NAPB: variants seen among roughly 807,000 people sequenced by gnomAD.
NAPB encodes the protein NSF attachment protein beta.
A neutral mutation model predicts 44.7 loss-of-function variants in NAPB; 26 were observed. The ratio of observed to expected loss-of-function variants is 0.58; its 90% CI spans 0.43 to 0.81. The LOEUF is 0.81. Ranked by LOEUF, NAPB falls within the 30% of genes least tolerant of loss-of-function variation. NAPB has a pLI of 0.00. For synonymous variants in NAPB, 120 were observed against 116.8 expected (o/e 1.03, Z -0.18); for missense variants, 315 against 356.4 (o/e 0.88, Z 0.94).
intron 10 of NAPB, among the ~76,000 whole-genome samples, chr20:23,378,293 C>T (rs1043630752): frequency 3.3e-5 from 5 of 151,648 alleles, no homozygotes; most frequent in East Asian, 3.9e-4. Context: ...CACAGCACTC[C>T]AGCCTGAGTG....
intron 1 of NAPB, among the ~76,000 whole-genome samples, chr20:23,415,046 T>C (rs1985909713): frequency 6.6e-6 from 1 of 152,124 alleles, no homozygotes; most frequent in South Asian, 2.1e-4. Flanking sequence ...TAATAGAGAT[T>C]GAGACATAAC....
intron 5 of NAPB, among the ~76,000 whole-genome samples, chr20:23,393,676 G>A (rs568173407): frequency 9.8e-5 from 15 of 152,294 alleles, no homozygotes; most frequent in African/African-American, 3.6e-4. Flanking sequence ...ATTGTAAGGA[G>A]ACATCTGCTC....
In NAPB at chr20:23,395,172, G is replaced by A. The variant is rs142138028; in HGVS notation, c.309C>T (p.Cys103=). 5.6e-6 allele frequency: 9 copies of A among 1,614,024 alleles called. No individual in the cohort carries two copies. In the African/African-American group the frequency reaches 1.2e-4, roughly 22 times the overall value. The change falls in exon 4 of 11, where the codon TGC becomes TGT. Residue 103 remains cysteine, a synonymous_variant. Coordinates refer to ENST00000377026, the MANE Select transcript of NAPB (RefSeq NM_022080.3). ...TGTAAATGTCGATGGCTGCATTTAA[G>A]CAGTTGATAGCCTCTGAAGCGTAGG... The part of the protein sequence containing the change: ...KKADPQEAIN[C]LNAAIDIYTD...
intron 1 of NAPB, among the ~76,000 whole-genome samples, chr20:23,418,720 G>A (rs941623824): frequency 5.9e-5 from 9 of 151,290 alleles, no homozygotes; most frequent in African/African-American, 1.7e-4. Flanking sequence ...GGTGGATCAC[G>A]AGGTCAGGCA....
chr20:23,391,974 T>A (rs1280254385), intron 5 of NAPB, among the ~76,000 whole-genome samples: 2 of 152,170 alleles, frequency 1.3e-5, no homozygotes, highest in East Asian at 3.9e-4. Flanking sequence ...CAGCTCCTAG[T>A]GAGTTAGAAG....
At chr20:23,406,317 C>T (rs1985252604) in intron 1 of NAPB, among the ~76,000 whole-genome samples, 1 of 152,108 alleles carries the variant, frequency 6.6e-6, no homozygotes, top group African/African-American at 2.4e-5. Flanking sequence ...AAAATGACAG[C>T]TAAATGGTAC....
At chr20:23,396,358 A>G (rs1984361295) in intron 3 of NAPB, among the ~76,000 whole-genome samples, 1 of 152,248 alleles carries the variant, frequency 6.6e-6, no homozygotes, top group South Asian at 2.1e-4. Context: ...AAAGGTATTG[A>G]AGATACCCTA....
chr20:23,419,377 A>G (rs1850195744), intron 1 of NAPB, among the ~76,000 whole-genome samples: 3 of 152,206 alleles, frequency 2.0e-5, no homozygotes, highest in Admixed American at 2.0e-4. Flanking sequence ...TTTCTTTAAA[A>G]ACAAAGGCTT....
chr20:23,407,361 T>G (rs1228706918), intron 1 of NAPB, among the ~76,000 whole-genome samples: 1 of 152,220 alleles, frequency 6.6e-6, no homozygotes, highest in African/African-American at 2.4e-5. Flanking sequence ...GGAAAAAATA[T>G]TCTGTGGGGA....
At chr20:23,412,354 T>C (rs143347913) in intron 1 of NAPB, among the ~76,000 whole-genome samples, 358 of 152,218 alleles carry the variant, frequency 2.4e-3, no homozygotes, top group African/African-American at 8.2e-3. Context: ...AATACAGTCC[T>C]AAGGAATGCA....
chr20:23,398,854 AT>A (rs34074566), intron 2 of NAPB, among the ~76,000 whole-genome samples: 298 of 90,430 alleles, frequency 3.3e-3, no homozygotes, highest in African/African-American at 8.2e-3. Flanking sequence ...CAAAAAAAAA[AT>A]TTTTTTTTTT....
intron 1 of NAPB, among the ~76,000 whole-genome samples, chr20:23,405,497 G>A (rs967598300): frequency 3.6e-4 from 55 of 152,142 alleles, no homozygotes; most frequent in African/African-American, 1.3e-3. Context: ...TGAGGTGGGT[G>A]GATCACTTCA....
intron 1 of NAPB, 25 bp downstream of exon 1, chr20:23,421,278 CCA>C (rs1986412320): frequency 8.4e-6 from 12 of 1,434,788 alleles, no homozygotes; most frequent in South Asian, 1.3e-5. Flanking sequence ...CCCCCCCCCC[CCA>C]GGGCACGCAC....
chr20:23,418,302 G>C (rs1481903567), intron 1 of NAPB, among the ~76,000 whole-genome samples: 1 of 152,168 alleles, frequency 6.6e-6, no homozygotes, highest in East Asian at 1.9e-4. Context: ...CAGACCTTTA[G>C]GAATGAAAAT....
intron 8 of NAPB, chr20:23,380,642 C>T (rs757113840): frequency 2.2e-4 from 34 of 152,986 alleles, no homozygotes; most frequent in Non-Finnish European, 4.7e-4. Flanking sequence ...CCTGCCTCAG[C>T]CTCTCAAGTA....
At chr20:23,395,113 G>A (rs1379173185) in intron 4 of NAPB, 26 bp downstream of exon 4, 2 of 1,613,926 alleles carry the variant, frequency 1.2e-6, no homozygotes, top group African/African-American at 1.3e-5. Context: ...CCACCCCACA[G>A]CCACTCAAGC....
chr20:23,419,844 ATTT>A lies in NAPB; in HGVS notation c.98+1458_98+1460del, dbSNP rs1316715492. Among the ~76,000 whole-genome samples the A allele has an allele frequency of 4.6e-5, 7 of 152,216 alleles. No individual in the cohort carries two copies. In the East Asian group the frequency reaches 1.2e-3, roughly 25 times the overall value. ...TCTTGCATTTTTGCAGCCTTTATGCATTTCTGCAGTTATGCGTACTGCATGCAA... is the reference window on the plus strand; with the variant it reads ...TCTTGCATTTTTGCAGCCTTTATGCACTGCAGTTATGCGTACTGCATGCAA... On this transcript the variant is annotated intron_variant, in intron 1 of 10. Coordinates refer to ENST00000377026, the MANE Select transcript of NAPB (RefSeq NM_022080.3).
chr20:23,377,036 T>C lies in NAPB; in HGVS notation c.*340A>G, dbSNP rs987345911. ...CATCTATGAGAACAACTGGGCTGAGTACTCAAGTCCAACAAAAAGGACATA... is the reference window on the plus strand; with the variant it reads ...CATCTATGAGAACAACTGGGCTGAGCACTCAAGTCCAACAAAAAGGACATA... On this transcript the variant is annotated 3_prime_UTR_variant, in exon 11 of 11. Coordinates refer to ENST00000377026, the MANE Select transcript of NAPB (RefSeq NM_022080.3). 6.2e-6 allele frequency: 1 copy of C among 162,420 alleles called. No individual in the cohort carries two copies. The highest frequency in any genetic ancestry group is 1.3e-5 in the Non-Finnish European group (1 of 74,828). 10.1% of individuals were successfully genotyped at this position (162,420 alleles called of 1,614,324 possible). A position where few individuals can be genotyped will look rare whatever the true frequency, so the allele number is the denominator to read the frequency against.
intron 9 of NAPB, 152 bp downstream of exon 9, chr20:23,379,715 T>C (rs1982844807): frequency 8.8e-6 from 6 of 679,864 alleles, no homozygotes; most frequent in Middle Eastern, 2.6e-4. Flanking sequence ...TTAATTGCAT[T>C]TGAACACCTA....
Sources: allele counts gnomAD v4.1 joint callset (sites outside exome capture counted in the v4.1 genomes callset), GRCh38; gene constraint gnomAD v4.1.1; transcripts MANE v1.5; gene names NCBI Gene and HGNC (gene_info 2026-07-23, HGNC 2026-07-21).